The following SLC8A1 variants were observed in gnomAD, a reference collection of about 807,000 sequenced individuals.
The protein encoded by SLC8A1 is solute carrier family 8 member A1.
SLC8A1 carries 18 observed loss-of-function variants against 68.3 expected under a neutral mutation model. The observed-to-expected ratio is 0.26, with a 90% confidence interval of 0.18 to 0.39. SLC8A1 has a LOEUF of 0.39. SLC8A1 is among the 10% of genes least tolerant of loss of function. The pLI, the probability that SLC8A1 is intolerant of heterozygous loss-of-function variation, is 1.00. For missense variants in SLC8A1, 985 were observed against 1,156.7 expected (o/e 0.85, Z 2.15); for synonymous variants, 475 against 415.5 (o/e 1.14, Z -1.74).
At chr2:40,338,417 T>A (rs1274230018) in intron 2 of SLC8A1, among the ~76,000 whole-genome samples, 1 of 152,126 alleles carries the variant, frequency 6.6e-6, no homozygotes, top group Non-Finnish European at 1.5e-5. Context: ...TATAACTGGG[T>A]AATAGGGAAT....
intron 1 of SLC8A1, among the ~76,000 whole-genome samples, chr2:40,438,236 A>C (rs191172811): frequency 4.6e-5 from 7 of 152,282 alleles, no homozygotes; most frequent in Admixed American, 1.3e-4. Flanking sequence ...CCCTGAAGAG[A>C]AACAGCAGCC....
chr2:40,381,166 C>T (rs4952410), intron 2 of SLC8A1, among the ~76,000 whole-genome samples: 83,297 of 151,708 alleles, frequency 0.55, 23,975 homozygotes, highest in African/African-American at 0.71. Context: ...ACATCAAAAT[C>T]GGGGGTTGGC....
At chr2:40,252,390 T>C (rs2062900143) in intron 2 of SLC8A1, among the ~76,000 whole-genome samples, 1 of 152,124 alleles carries the variant, frequency 6.6e-6, no homozygotes, top group Admixed American at 6.5e-5. Flanking sequence ...TGGAGTGCAG[T>C]GGCATGATCT....
intron 2 of SLC8A1, among the ~76,000 whole-genome samples, chr2:40,214,515 T>A (rs1226063183): frequency 6.6e-6 from 1 of 151,748 alleles, no homozygotes; most frequent in Non-Finnish European, 1.5e-5. Flanking sequence ...CAATCTTGGC[T>A]CACTGCAACC....
intron 2 of SLC8A1, among the ~76,000 whole-genome samples, chr2:40,339,998 T>C (rs1667177200): frequency 6.6e-6 from 1 of 152,214 alleles, no homozygotes; most frequent in African/African-American, 2.4e-5. Context: ...ATGTGTACTG[T>C]GGATGTCCAC....
intron 2 of SLC8A1, among the ~76,000 whole-genome samples, chr2:40,327,991 A>C (rs1359695909): frequency 6.6e-6 from 1 of 152,150 alleles, no homozygotes; most frequent in Non-Finnish European, 1.5e-5. Context: ...TGAAAATCAT[A>C]TAATACAGTT....
intron 2 of SLC8A1, among the ~76,000 whole-genome samples, chr2:40,230,919 G>A (rs1050061883): frequency 6.6e-6 from 1 of 152,106 alleles, no homozygotes; most frequent in Non-Finnish European, 1.5e-5. Flanking sequence ...AGAAATAGTG[G>A]GTGTGGTTTG....
At chr2:40,438,948 G>C (rs993577916) in intron 1 of SLC8A1, among the ~76,000 whole-genome samples, 11 of 152,132 alleles carry the variant, frequency 7.2e-5, no homozygotes, top group African/African-American at 2.2e-4. Flanking sequence ...GACTGGAAGT[G>C]CGTGTCTGAA....
chr2:40,458,188 T>C (rs1703135462), intron 1 of SLC8A1, among the ~76,000 whole-genome samples: 1 of 152,232 alleles, frequency 6.6e-6, no homozygotes, highest in Non-Finnish European at 1.5e-5. Context: ...TCTGCTGCTC[T>C]ATCAAATTTC....
At chr2:40,220,780 C>T (rs1158754567) in intron 2 of SLC8A1, among the ~76,000 whole-genome samples, 1 of 151,724 alleles carries the variant, frequency 6.6e-6, no homozygotes, top group Non-Finnish European at 1.5e-5. Flanking sequence ...TTGATGCTTA[C>T]AGAATGATGC....
chr2:40,155,693 A>ATATT (rs1281399142), intron 6 of SLC8A1, among the ~76,000 whole-genome samples: 1 of 152,198 alleles, frequency 6.6e-6, no homozygotes, highest in African/African-American at 2.4e-5. Context: ...ACAGTATTTT[A>ATATT]TATTAAATAA....
At chr2:40,271,797 C>A (rs1440664537) in intron 2 of SLC8A1, among the ~76,000 whole-genome samples, 2 of 152,098 alleles carry the variant, frequency 1.3e-5, no homozygotes, top group Non-Finnish European at 2.9e-5. Context: ...CCCCAGTGTC[C>A]CACGGATTGA....
chr2:40,223,757 T>A (rs753534550), intron 2 of SLC8A1: 4 of 152,048 alleles, frequency 2.6e-5, no homozygotes, highest in Non-Finnish European at 4.4e-5. Flanking sequence ...AAGCAGTAAG[T>A]TACACATATA....
chr2:40,329,981 C>A (rs919315417), intron 2 of SLC8A1, among the ~76,000 whole-genome samples: 3 of 152,096 alleles, frequency 2.0e-5, no homozygotes, highest in African/African-American at 2.4e-5. Context: ...GACAGCCAAG[C>A]TATTTAAAGA....
chr2:40,273,696 A>G (rs2066334635), intron 2 of SLC8A1, among the ~76,000 whole-genome samples: 4 of 152,142 alleles, frequency 2.6e-5, no homozygotes, highest in Admixed American at 2.6e-4. Context: ...TAACTAAAAT[A>G]AGGTTGTTAA....
chr2:40,384,980 A>G (rs1683096651), intron 2 of SLC8A1, among the ~76,000 whole-genome samples: 1 of 152,032 alleles, frequency 6.6e-6, no homozygotes, highest in African/African-American at 2.4e-5. Context: ...ACTTCTCCTT[A>G]AGTATATAGA....
chr2:40,250,078 G>C (rs2062502416), intron 2 of SLC8A1, among the ~76,000 whole-genome samples: 1 of 152,174 alleles, frequency 6.6e-6, no homozygotes, highest in African/African-American at 2.4e-5. Context: ...ACAAGCTACA[G>C]AACAATTCCT....
At chr2:40,482,853 C>T (rs1231496567) in intron 1 of SLC8A1, among the ~76,000 whole-genome samples, 2 of 147,568 alleles carry the variant, frequency 1.4e-5, no homozygotes, top group Non-Finnish European at 3.0e-5. Flanking sequence ...TGCAGTGGCG[C>T]GATCTCGGCT....
chr2:40,257,854 C>G (rs2064150155), intron 2 of SLC8A1, among the ~76,000 whole-genome samples: 1 of 152,186 alleles, frequency 6.6e-6, no homozygotes, highest in South Asian at 2.1e-4. Context: ...AGAACCACAT[C>G]TCCACATGGA....
Sources: allele counts gnomAD v4.1 joint callset (sites outside exome capture counted in the v4.1 genomes callset), GRCh38; gene constraint gnomAD v4.1.1; transcripts MANE v1.5; gene names NCBI Gene and HGNC (gene_info 2026-07-23, HGNC 2026-07-21).